The following MRI1 variants were observed in gnomAD, a reference collection of about 807,000 sequenced individuals.
MRI1 encodes methylthioribose-1-phosphate isomerase.
A neutral mutation model predicts 27.3 loss-of-function variants in MRI1; 32 were observed. The observed-to-expected ratio is 1.17, with a 90% CI of 0.88 to 1.57. The LOEUF (loss-of-function observed/expected upper bound fraction) is 1.57. Ranked by LOEUF, MRI1 falls within the 40% of genes most tolerant of loss-of-function variation. The pLI, the probability that MRI1 is intolerant of heterozygous loss-of-function variation, is 0.00. For synonymous variants in MRI1, 216 were observed against 227.4 expected, an observed-to-expected ratio of 0.95 and a Z score of 0.45; for missense variants, 508 against 516.1, an observed-to-expected ratio of 0.98 and a Z score of 0.15.
intron 3 of MRI1, 118 bp from the exon 4 acceptor site, chr19:13,768,443 G>A (rs1231707758): frequency 1.3e-6 from 2 of 1,560,728 alleles, no homozygotes; most frequent in East Asian, 2.4e-5. Context: ...GCGGGACTGT[G>A]CTCGGTAAGC....
In MRI1 at chr19:13,773,916, G is replaced by A. The variant is rs1475162488; in HGVS notation, c.*1635G>A. On this transcript the variant is annotated 3_prime_UTR_variant, in exon 6 of 6. Transcript: ENST00000040663. ...TCCGCGCCCCGCGGCCTCCGAAAGT[G>A]CTGGGATTACAAGCGTGAGCCACCG... is the stretch of plus-strand genomic sequence containing the variant. 6.6e-6 allele frequency: 1 copy of A among 152,416 alleles called. No individual in the cohort carries two copies. The highest frequency in any genetic ancestry group is 2.4e-5 in the African/African-American group (1 of 41,458). The allele number at this position is 152,416 out of a possible 1,614,324, so 9.4% of individuals were successfully genotyped here.
At position 13,768,750 on chromosome 19, in the gene MRI1, T is replaced by C. The variant is rs1160468499; in HGVS notation, c.724+13T>C. 1 of 1,609,168 alleles carries C rather than the reference T, an allele frequency of 6.2e-7. No individual in the cohort carries two copies. The highest frequency in any genetic ancestry group is 1.3e-5 in the African/African-American group (1 of 74,830). On this transcript the variant is annotated intron_variant, in intron 4 of 5. Coordinates refer to ENST00000040663, the MANE Select transcript of MRI1 (RefSeq NM_001031727.4). ...AGGGGCGTGTCAGGTAAGCAGACGG[T>C]AAGCCCTGGGGGCGGGGCTCTGGAG...
Position 13,769,008 on chromosome 19 carries a change from G to T in MRI1, c.909G>T (p.Gln303His). The change falls in exon 5 of 6, where the codon CAG (glutamine) becomes CAT (histidine). Residue 303 changes from glutamine (Q) to histidine (H), a missense_variant. Gln to His is a conservative substitution (Grantham distance 24). Around this residue, in one of 3 missense-constraint regions of MRI1, gnomAD observed 457 missense variants for 452.8 expected, o/e 1.01. Transcript: ENST00000040663. ...KEIIIEERPG[Q>H]ELTDVNGVRI... is the part of the protein sequence containing the mutation. ...TCATTATTGAAGAGCGACCGGGCCA[G>T]GAGCTGACCGATGTTAATGGGGTCC... 1 of 1,613,696 alleles carries T rather than the reference G, an allele frequency of 6.2e-7. No homozygotes were observed. The highest frequency in any genetic ancestry group is 8.5e-7 in the Non-Finnish European group (1 of 1,179,872).
Position 13,768,557 on chromosome 19 carries a change from G to A in MRI1, c.548-4G>A, listed in dbSNP as rs200569131. The A allele has an allele frequency of 2.6e-5, 42 of 1,601,158 alleles. No homozygotes were observed. Among genetic ancestry groups the A allele is most frequent in the South Asian group, 1.2e-4 (11 of 89,554 alleles). On this transcript the variant is annotated splice_region_variant and splice_polypyrimidine_tract_variant and intron_variant, in intron 3 of 5. Coordinates refer to ENST00000040663, the MANE Select transcript of MRI1 (RefSeq NM_001031727.4). Reference sequence around the variant, plus strand: ...CCTTCTCCTGGTGGGTGGGGCCCCCGCAGGTGTGATTCGCTCACTGCACAG... The same window carrying A: ...CCTTCTCCTGGTGGGTGGGGCCCCCACAGGTGTGATTCGCTCACTGCACAG...
At chr19:13,765,698 C>A (rs1164926634) in intron 2 of MRI1, among the ~76,000 whole-genome samples, 1 of 152,236 alleles carries the variant, frequency 6.6e-6, no homozygotes, top group Non-Finnish European at 1.5e-5. Flanking sequence ...GGCTCACTCA[C>A]CCCAGTGTCA....
intron 5 of MRI1, among the ~76,000 whole-genome samples, chr19:13,771,653 G>C (rs989690834): frequency 1.3e-5 from 2 of 152,146 alleles, no homozygotes; most frequent in Non-Finnish European, 2.9e-5. Flanking sequence ...CCTGAGGTCG[G>C]GAGTTTGAGA....
In MRI1 at chr19:13,772,694, G is replaced by C. The variant is rs1974294825; in HGVS notation, c.*413G>C. On this transcript the variant is annotated 3_prime_UTR_variant, in exon 6 of 6. Coordinates refer to ENST00000040663, the MANE Select transcript of MRI1 (RefSeq NM_001031727.4). ...ATACAAAAAATTAGCCGGGTGTGGT[G>C]GTGGGCACCTGCAGTCCCAGCTACT... 6.5e-6 allele frequency: 1 copy of C among 153,580 alleles called. No individual in the cohort carries two copies. The highest frequency in any genetic ancestry group is 1.4e-5 in the Non-Finnish European group (1 of 68,978). The allele number at this position is 153,580 out of a possible 1,614,324, so 9.5% of individuals were successfully genotyped here.
In MRI1 at chr19:13,772,471, TC is replaced by T; in HGVS notation, c.*193del. 1 of 541,188 alleles carries T rather than the reference TC, an allele frequency of 1.8e-6. No homozygotes were observed. Among genetic ancestry groups the T allele is most frequent in the Non-Finnish European group, 3.3e-6 (1 of 306,898 alleles). 33.5% of individuals were successfully genotyped at this position (541,188 alleles called of 1,614,324 possible). On this transcript the variant is annotated 3_prime_UTR_variant, in exon 6 of 6. Transcript: ENST00000040663. ...ATTCAAATCCTGACTCCGCCACTTT[TC>T]CCACTGTATGATCTTGGGCAAGTCA...
chr19:13,765,095 G>T lies in MRI1; in HGVS notation c.357G>T (p.Glu119Asp). 6.5e-7 allele frequency: 1 copy of T among 1,541,002 alleles called. No individual in the cohort carries two copies. Among genetic ancestry groups the T allele is most frequent in the East Asian group, 2.5e-5 (1 of 40,082 alleles). ...REAEREGATE[E>D]AVRERVICCT... ...CCGAACGGGAGGGCGCTACGGAAGA[G>T]GCGGTCCGGGAGAGGTACGGGGATC... The change falls in exon 2 of 6, where the codon GAG (glutamate) becomes GAT (aspartate). Residue 119 changes from glutamate (E) to aspartate (D), a missense_variant. By Grantham distance (45) the Glu-to-Asp change is conservative. Around this residue, in one of 3 missense-constraint regions of MRI1, gnomAD observed 457 missense variants for 452.8 expected, o/e 1.01. Transcript: ENST00000040663.
Position 13,768,841 on chromosome 19 carries a change from G to C in MRI1, c.742G>C (p.Asp248His). The C allele has an allele frequency of 6.2e-7, 1 of 1,609,394 alleles. No homozygotes were observed. Among genetic ancestry groups the C allele is most frequent in the Non-Finnish European group, 8.5e-7 (1 of 1,176,932 alleles). ...CTCCCCAGCTGTGGTCGTGGGAGCT[G>C]ACCGCGTGGTTGCCAACGGCGACAC... The part of the protein sequence containing the change: ...RGVSAVVVGA[D>H]RVVANGDTAN... Residue 248 changes from aspartate to histidine, a missense_variant, in exon 5 of 6, where the codon GAC becomes CAC. Coordinates refer to ENST00000040663, the MANE Select transcript of MRI1 (RefSeq NM_001031727.4).
chr19:13,769,934 AAAG>A (rs1974235184), intron 5 of MRI1, among the ~76,000 whole-genome samples: 2 of 152,116 alleles, frequency 1.3e-5, no homozygotes, highest in South Asian at 2.1e-4. Flanking sequence ...AAAAAAAAGA[AAAG>A]AAAAAGCAAG....
At chr19:13,769,445 T>C (rs1974224321) in intron 5 of MRI1, among the ~76,000 whole-genome samples, 1 of 152,092 alleles carries the variant, frequency 6.6e-6, no homozygotes, top group South Asian at 2.1e-4. Context: ...ATTACAGGTG[T>C]GAGCCACAGC....
chr19:13,765,489 T>C (rs1974102110), intron 2 of MRI1, among the ~76,000 whole-genome samples: 2 of 152,278 alleles, frequency 1.3e-5, no homozygotes, highest in Admixed American at 6.5e-5. Context: ...CCCCACTTCC[T>C]TTCTGCTCCA....
chr19:13,771,043 AT>A (rs1247068485), intron 5 of MRI1, among the ~76,000 whole-genome samples: 12 of 151,922 alleles, frequency 7.9e-5, no homozygotes, highest in Non-Finnish European at 1.6e-4. Context: ...CCTGGGCAAC[AT>A]TGCCAGACCA....
At chr19:13,765,492 C>T (rs1225150297) in intron 2 of MRI1, among the ~76,000 whole-genome samples, 3 of 152,128 alleles carry the variant, frequency 2.0e-5, no homozygotes, top group Non-Finnish European at 4.4e-5. Context: ...CACTTCCTTT[C>T]TGCTCCAGCC....
intron 3 of MRI1, among the ~76,000 whole-genome samples, chr19:13,766,717 G>A (rs1974132117): frequency 6.6e-6 from 1 of 152,018 alleles, no homozygotes; most frequent in Non-Finnish European, 1.5e-5. Context: ...AGGCCTTAAT[G>A]GAAAGACCTC....
rs1255742067 is a variant in MRI1 at position 13,765,040 on chromosome 19, G to A, written c.302G>A (p.Arg101His). ...GCTGTCAACATGGCCCGCGCCGCCC[G>A]CGACCTGGCTGATGTTGCAGCCCGG... ...PTAVNMARAA[R>H]DLADVAAREA... Residue 101 changes from arginine (R) to histidine (H), a missense_variant, in exon 2 of 6, where the codon CGC becomes CAC. By Grantham distance (29) the Arg-to-His change is conservative. Around this residue, in one of 3 missense-constraint regions of MRI1, gnomAD observed 457 missense variants for 452.8 expected, o/e 1.01. Transcript: ENST00000040663. The A allele has an allele frequency of 2.0e-6, 3 of 1,525,006 alleles. No homozygotes were observed. The highest frequency in any genetic ancestry group is 2.8e-5 in the African/African-American group (2 of 71,602). The allele number at this position is 1,525,006 out of a possible 1,614,324, so 94.5% of individuals were successfully genotyped here. A position where few individuals can be genotyped will look rare whatever the true frequency, so the allele number is the denominator to read the frequency against.
rs1251571004 is a variant in MRI1, at chr19:13,764,954, C to G, written c.216C>G (p.Leu72=). ...ELQAGAGGPG[L]AALVAFVRDK... ...AGGCGGGCGCCGGGGGACCGGGACT[C>G]GCCGCGCTCGTGGCCTTCGTGCGCG... Residue 72 remains leucine (L), a synonymous_variant, in exon 2 of 6, where the codon CTC becomes CTG. Transcript: ENST00000040663. 2 of 1,508,916 alleles carry G rather than the reference C, an allele frequency of 1.3e-6. No individual in the cohort carries two copies. Among genetic ancestry groups the G allele is most frequent in the South Asian group, 2.5e-5 (2 of 81,184 alleles). The allele number at this position is 1,508,916 out of a possible 1,614,324, so 93.5% of individuals were successfully genotyped here.
rs536100002 is a variant in MRI1, at chr19:13,772,279, T to G, written c.1108T>G (p.Ter370GluextTer24). ...RDGTLDGPQM[*>E] ...TGGAACCCTAGATGGACCCCAGATG[T>G]AACCAACTCAGCTCTCCCTAGCCTG... The change falls in exon 6 of 6, where the codon TAA (stop) becomes GAA (glutamate). Residue 370 changes from the stop codon to glutamate (E), a stop_lost. Transcript: ENST00000040663. 6.2e-7 allele frequency: 1 copy of G among 1,611,320 alleles called. No homozygotes were observed. Among genetic ancestry groups the G allele is most frequent in the Non-Finnish European group, 8.5e-7 (1 of 1,178,836 alleles).
Sources: allele counts gnomAD v4.1 joint callset (sites outside exome capture counted in the v4.1 genomes callset), GRCh38; gene constraint gnomAD v4.1.1; regional missense constraint gnomAD v4.1.1; transcripts MANE v1.5; gene names NCBI Gene and HGNC (gene_info 2026-07-23, HGNC 2026-07-21).